The following MYLK3 variants were observed in gnomAD, a reference collection of about 807,000 sequenced individuals.
MYLK3 encodes the protein MLC kinase.
In MYLK3, 55 loss-of-function variants were observed where a neutral mutation model predicts 76.3. The ratio of observed to expected loss-of-function variants is 0.72; its 90% CI spans 0.58 to 0.90. The LOEUF (loss-of-function observed/expected upper bound fraction) is 0.90. Ranked by LOEUF, MYLK3 falls within the 40% of genes least tolerant of loss-of-function variation. The pLI is 0.00. For synonymous variants in MYLK3, 416 were observed against 425.4 expected (o/e 0.98, Z 0.27); for missense variants, 973 against 1,053.6 (o/e 0.92, Z 1.06).
At chr16:46,721,041 C>G (rs544506059) in intron 9 of MYLK3, 82 bp downstream of exon 9, 2 of 1,237,966 alleles carry the variant, frequency 1.6e-6, no homozygotes, top group Non-Finnish European at 2.4e-6. Context: ...CAAGCATTAG[C>G]TGGGTCAGGA....
At chr16:46,724,851 G>C (rs1435917268) in intron 8 of MYLK3, among the ~76,000 whole-genome samples, 1 of 152,130 alleles carries the variant, frequency 6.6e-6, no homozygotes, top group Admixed American at 6.5e-5. Context: ...CTTTGATAAG[G>C]ATTATGTTGA....
intron 9 of MYLK3, among the ~76,000 whole-genome samples, chr16:46,714,770 C>T (rs1359938805): frequency 6.6e-6 from 1 of 152,208 alleles, no homozygotes; most frequent in Non-Finnish European, 1.5e-5. Flanking sequence ...CTCTCCTTCA[C>T]CATCACCATG....
chr16:46,730,988 G>A (rs2143014912), intron 4 of MYLK3, among the ~76,000 whole-genome samples: 1 of 152,368 alleles, frequency 6.6e-6, no homozygotes, highest in African/African-American at 2.4e-5. Context: ...TGATCCTAGT[G>A]GATCTGTGTG....
intron 6 of MYLK3, 32 bp downstream of exon 6, chr16:46,729,562 C>G (rs1966848382): frequency 1.9e-6 from 3 of 1,594,850 alleles, no homozygotes; most frequent in Non-Finnish European, 2.6e-6. Context: ...CTGAGGCTGG[C>G]CACAGGGACC....
rs560474620 is a variant in MYLK3, at chr16:46,740,707, A to G, written c.478-560T>C. Among the ~76,000 whole-genome samples, 8 of 151,920 alleles carry G rather than the reference A, an allele frequency of 5.3e-5. No homozygotes were observed. In the South Asian group the frequency reaches 1.7e-3, roughly 32 times the overall value. ...GCTGGGACTACAGGCATGGGCCAAC[A>G]TGCCCGGCTAATTTTTGTATTTTTA... On this transcript the variant is annotated intron_variant, in intron 1 of 12. Coordinates refer to ENST00000394809, the MANE Select transcript of MYLK3 (RefSeq NM_182493.3).
intron 8 of MYLK3, chr16:46,726,740 AAGAGAGAG>A (rs1221089695): frequency 7.0e-6 from 1 of 143,638 alleles, no homozygotes; most frequent in African/African-American, 2.6e-5. Context: ...AAAGAAAAGA[AAGAGAGAG>A]AGAAAGAAAG....
intron 1 of MYLK3, among the ~76,000 whole-genome samples, chr16:46,742,059 G>A (rs575032251): frequency 6.6e-6 from 1 of 152,230 alleles, no homozygotes; most frequent in East Asian, 1.9e-4. Flanking sequence ...CCATTTTGGG[G>A]TGACAGAATT....
chr16:46,710,966 G>A, intron 10 of MYLK3, 177 bp from the exon 11 acceptor site: 1 of 684,762 alleles, frequency 1.5e-6, no homozygotes, highest in Non-Finnish European at 2.4e-6. Flanking sequence ...TTAAAGGGAG[G>A]AAGCGGAAGG....
intron 9 of MYLK3, among the ~76,000 whole-genome samples, chr16:46,718,872 A>C (rs1052838679): frequency 2.0e-5 from 3 of 152,060 alleles, no homozygotes; most frequent in African/African-American, 7.2e-5. Flanking sequence ...AGGCTGAGGC[A>C]GGAAAATTGT....
chr16:46,732,715 G>A (rs1176020037), intron 3 of MYLK3, 47 bp from the exon 4 acceptor site: 1 of 1,408,042 alleles, frequency 7.1e-7, no homozygotes, highest in Non-Finnish European at 9.4e-7. Flanking sequence ...CAAGGACTCT[G>A]GAGTCAGAAC....
At chr16:46,712,812 T>C in intron 9 of MYLK3, 36 bp from the exon 10 acceptor site, 2 of 1,538,042 alleles carry the variant, frequency 1.3e-6, no homozygotes, top group Middle Eastern at 2.1e-4. Flanking sequence ...AAGCATGGGG[T>C]GAGGCCTGGG....
At chr16:46,748,386 G>T (rs527520363), upstream of MYLK3, 9 of 1,053,822 alleles carry the variant, frequency 8.5e-6, no homozygotes, top group Non-Finnish European at 1.2e-5. The surrounding 1 kb of genome is among the most constrained non-coding windows in gnomAD (Gnocchi z 4.3). Context: ...CCTTTGCTTT[G>T]CTTATCTCCC....
intron 8 of MYLK3, among the ~76,000 whole-genome samples, chr16:46,724,882 G>C (rs1244656048): frequency 6.6e-6 from 1 of 152,152 alleles, no homozygotes; most frequent in East Asian, 1.9e-4. Flanking sequence ...CAATGGGGGA[G>C]TATTGTCACC....
chr16:46,746,344 C>T (rs770463783), intron 1 of MYLK3, among the ~76,000 whole-genome samples: 13 of 152,252 alleles, frequency 8.5e-5, no homozygotes, highest in Non-Finnish European at 1.8e-4. Flanking sequence ...GGACTAAGTA[C>T]ATTTTGATCC....
chr16:46,750,650 C>T (rs1216588101), upstream of MYLK3, among the ~76,000 whole-genome samples: 2 of 151,890 alleles, frequency 1.3e-5, no homozygotes, highest in Non-Finnish European at 2.9e-5. Flanking sequence ...GCCAAGATTG[C>T]GCCACTGCCC....
rs1212134576 is a variant in MYLK3 at position 46,732,519 on chromosome 16, G to A, written c.1151C>T (p.Ala384Val). 2.5e-6 allele frequency: 4 copies of A among 1,605,336 alleles called. No individual in the cohort carries two copies. The highest frequency in any genetic ancestry group is 1.3e-5 in the African/African-American group (1 of 75,056). The change falls in exon 4 of 13, where the codon GCC (alanine) becomes GTC (valine). Residue 384 changes from alanine (A) to valine (V), a missense_variant. Physicochemically the swap from Ala to Val is moderately conservative, Grantham distance 64 (BLOSUM62 0). Around this residue, in one of 2 missense-constraint regions of MYLK3, gnomAD observed 641 missense variants for 637.0 expected, o/e 1.01. Transcript: ENST00000394809. ...GPPGTGRCLQ[A>V]PGTEPGEQTP... is the part of the protein sequence containing the mutation. The stretch of plus-strand genomic sequence containing the variant: ...CTGTTCTCCGGGCTCAGTCCCAGGG[G>A]CTTGGAGGCAGCGCCCGGTCCCAGG...
rs190712424 is a variant in MYLK3, at chr16:46,705,946, G to C, written c.*1758C>G. ...AGATCACACCACTGCACTGCAGCCT[G>C]GGCAACAGAGTGAGACCCTGTCTCA... On this transcript the variant is annotated 3_prime_UTR_variant, in exon 13 of 13. Transcript: ENST00000394809. 1 of 152,952 alleles carries C rather than the reference G, an allele frequency of 6.5e-6. No individual in the cohort carries two copies. Among genetic ancestry groups the C allele is most frequent in the Non-Finnish European group, 1.5e-5 (1 of 68,920 alleles). 9.5% of individuals were successfully genotyped at this position (152,952 alleles called of 1,614,324 possible).
intron 1 of MYLK3, among the ~76,000 whole-genome samples, chr16:46,754,010 A>G (rs772630715): frequency 2.2e-4 from 33 of 152,212 alleles, no homozygotes; most frequent in Non-Finnish European, 4.4e-4. Context: ...GAAAAAGACA[A>G]CTGTAGAATA....
chr16:46,740,551 A>T (rs1407449761), intron 1 of MYLK3, among the ~76,000 whole-genome samples: 53 of 128,362 alleles, frequency 4.1e-4, no homozygotes, highest in African/African-American at 1.2e-3. Context: ...ATATATATAT[A>T]TTTTTTTTTT....
Sources: allele counts gnomAD v4.1 joint callset (sites outside exome capture counted in the v4.1 genomes callset), GRCh38; gene constraint gnomAD v4.1.1; regional missense constraint gnomAD v4.1.1; non-coding constraint Gnocchi (gnomAD v3.1); transcripts MANE v1.5; gene names NCBI Gene and HGNC (gene_info 2026-07-23, HGNC 2026-07-21).